Variants in ADAMTS3 observed in about 807,000 individuals in gnomAD.
ADAMTS3 encodes the protein ADAM metallopeptidase with thrombospondin type 1 motif 3, also known as A disintegrin and metalloproteinase with thrombospondin motifs 3.
Under a neutral mutation model 129.0 loss-of-function variants are expected in ADAMTS3, and 73 were observed. The observed-to-expected ratio is 0.57, with a 90% CI of 0.47 to 0.69. The LOEUF is 0.69. ADAMTS3 is among the 30% of genes least tolerant of loss of function. The pLI is 0.00. For missense variants in ADAMTS3, 1,457 were observed against 1,514.5 expected, an observed-to-expected ratio of 0.96 and a Z score of 0.63; for synonymous variants, 477 against 510.8, an observed-to-expected ratio of 0.93 and a Z score of 0.89.
chr4:72,435,158 C>A (rs1722790144), intron 3 of ADAMTS3, among the ~76,000 whole-genome samples: 2 of 151,786 alleles, frequency 1.3e-5, no homozygotes, highest in Admixed American at 1.3e-4. Flanking sequence ...ATGTGTGGCA[C>A]TAAACAGACC....
intron 3 of ADAMTS3, among the ~76,000 whole-genome samples, chr4:72,494,565 T>C (rs1719826584): frequency 6.6e-6 from 1 of 152,224 alleles, no homozygotes. Flanking sequence ...ACCCAGTTCA[T>C]AGACTTCCAT....
intron 3 of ADAMTS3, among the ~76,000 whole-genome samples, chr4:72,431,532 C>T (rs1289481951): frequency 6.6e-6 from 1 of 151,908 alleles, no homozygotes; most frequent in Non-Finnish European, 1.5e-5. Context: ...TTGTTTCATG[C>T]ACAAAATTAT....
intron 3 of ADAMTS3, among the ~76,000 whole-genome samples, chr4:72,508,768 C>CATATTTATACATA (rs1720232290): frequency 6.6e-6 from 1 of 151,990 alleles, no homozygotes; most frequent in Non-Finnish European, 1.5e-5. Flanking sequence ...AAGACTTGAT[C>CATATTTATACATA]TACACTATAG....
Position 72,569,038 on chromosome 4 carries a change from C to T in ADAMTS3, c.-276G>A, listed in dbSNP as rs543377800. ...AGAAGGTGCTGTAAGCGGGCACAGG[C>T]TAAGCCTGGGAGAGGGGGAAGGGAC... On this transcript the variant is annotated 5_prime_UTR_variant, in exon 1 of 22. Transcript: ENST00000286657. 3.9e-6 allele frequency: 2 copies of T among 517,072 alleles called. No individual in the cohort carries two copies. Among genetic ancestry groups the T allele is most frequent in the Non-Finnish European group, 6.9e-6 (2 of 291,014 alleles). 32.0% of individuals were successfully genotyped at this position (517,072 alleles called of 1,614,324 possible).
At chr4:72,341,975 C>T (rs1320425777) in intron 4 of ADAMTS3, among the ~76,000 whole-genome samples, 1 of 152,166 alleles carries the variant, frequency 6.6e-6, no homozygotes, top group Admixed American at 6.5e-5. Flanking sequence ...TTATACTCAT[C>T]ATTATAATTA....
chr4:72,564,525 T>C (rs2109809425), intron 2 of ADAMTS3, among the ~76,000 whole-genome samples: 1 of 152,294 alleles, frequency 6.6e-6, no homozygotes, highest in Admixed American at 6.5e-5. Context: ...GATATATATG[T>C]ATGTATGGGT....
intron 2 of ADAMTS3, among the ~76,000 whole-genome samples, chr4:72,555,205 A>T (rs183094277): frequency 1.3e-4 from 20 of 151,822 alleles, no homozygotes; most frequent in Admixed American, 6.5e-5. Context: ...ATCAGAGATT[A>T]AGTAACTTAA....
In ADAMTS3 at chr4:72,565,248, A is replaced by G. The variant is rs76188844; in HGVS notation, c.97+2126T>C. 2.9e-3 allele frequency among the ~76,000 whole-genome samples: 442 copies of G among 152,344 alleles called. 1 individual carries two copies. Among genetic ancestry groups the G allele is most frequent in the African/African-American group, 0.01 (421 of 41,588 alleles). On this transcript the variant is annotated intron_variant, in intron 2 of 21. Transcript: ENST00000286657. Reference sequence around the variant, plus strand: ...GGCCATGAAATTTATTTTCTAGCCAATTTGTTGAAAAATAAATAAATAAAA... The same window carrying G: ...GGCCATGAAATTTATTTTCTAGCCAGTTTGTTGAAAAATAAATAAATAAAA...
chr4:72,284,457 A>C (rs1718450462), intron 21 of ADAMTS3, among the ~76,000 whole-genome samples: 1 of 152,076 alleles, frequency 6.6e-6, no homozygotes, highest in Non-Finnish European at 1.5e-5. Flanking sequence ...AAAAAAAAAA[A>C]AAAATTCTCC....
chr4:72,545,091 T>A (rs1292945850), intron 3 of ADAMTS3, among the ~76,000 whole-genome samples: 1 of 152,132 alleles, frequency 6.6e-6, no homozygotes, highest in Non-Finnish European at 1.5e-5. Context: ...TTTTTTTTGT[T>A]TGTTTGTTTG....
At chr4:72,390,457 A>C (rs1421738275) in intron 4 of ADAMTS3, among the ~76,000 whole-genome samples, 1 of 152,188 alleles carries the variant, frequency 6.6e-6, no homozygotes, top group East Asian at 1.9e-4. Flanking sequence ...AGTTAAAATA[A>C]ATTGTCTTAG....
chr4:72,550,092 A>G lies in ADAMTS3; in HGVS notation c.98-1208T>C, dbSNP rs76377929. Among the ~76,000 whole-genome samples, 22 of 80,158 alleles carry G rather than the reference A, an allele frequency of 2.7e-4. 5 individuals are homozygous for G. The highest frequency in any genetic ancestry group is 1.3e-3 in the East Asian group (2 of 1,586). 52.6% of individuals were successfully genotyped at this position (80,158 alleles called of 152,430 possible). A position where few individuals can be genotyped will look rare whatever the true frequency, so the allele number is the denominator to read the frequency against. On this transcript the variant is annotated intron_variant, in intron 2 of 21. Transcript: ENST00000286657. The stretch of plus-strand genomic sequence containing the variant: ...GAGGAAGAGGAAGAGGAAGAAGAAG[A>G]AGAAGAAGAAGAAGAAGAAGAAGAA...
At chr4:72,447,057 T>C (rs557436163) in intron 3 of ADAMTS3, among the ~76,000 whole-genome samples, 6 of 151,866 alleles carry the variant, frequency 4.0e-5, no homozygotes, top group African/African-American at 1.4e-4. Flanking sequence ...CTAAAGCAAT[T>C]ATAAACATTA....
intron 4 of ADAMTS3, among the ~76,000 whole-genome samples, chr4:72,347,174 A>G (rs370728589): frequency 6.6e-6 from 1 of 152,216 alleles, no homozygotes; most frequent in Non-Finnish European, 1.5e-5. Context: ...ACTACACTCC[A>G]ATGATGAGTA....
At chr4:72,344,670 C>G (rs1198281233) in intron 4 of ADAMTS3, among the ~76,000 whole-genome samples, 2 of 152,062 alleles carry the variant, frequency 1.3e-5, no homozygotes, top group African/African-American at 2.4e-5. Context: ...ACAATTCATT[C>G]CAGTAGGTGC....
At chr4:72,522,364 C>G (rs370663376) in intron 3 of ADAMTS3, among the ~76,000 whole-genome samples, 1 of 152,170 alleles carries the variant, frequency 6.6e-6, no homozygotes, top group Non-Finnish European at 1.5e-5. Context: ...AGTCAACTTA[C>G]TTTTCACTTC....
chr4:72,395,202 G>A (rs182240909), intron 4 of ADAMTS3, among the ~76,000 whole-genome samples: 3 of 152,254 alleles, frequency 2.0e-5, no homozygotes, highest in East Asian at 1.9e-4. Context: ...TGAGATTACA[G>A]GTGGGAGCCC....
chr4:72,552,963 G>T (rs1404603098), intron 2 of ADAMTS3, among the ~76,000 whole-genome samples: 4 of 152,116 alleles, frequency 2.6e-5, no homozygotes, highest in Non-Finnish European at 5.9e-5. Context: ...GAAGGCAGAA[G>T]ATTTTATCTG....
intron 3 of ADAMTS3, among the ~76,000 whole-genome samples, chr4:72,448,328 C>T (rs922333984): frequency 6.6e-6 from 1 of 151,766 alleles, no homozygotes; most frequent in Admixed American, 6.6e-5. Flanking sequence ...ATATTCACTT[C>T]GGATTCAGTA....
Sources: gnomAD v4.1 joint callset for allele counts (sites outside exome capture counted in the v4.1 genomes callset) on GRCh38, gnomAD v4.1.1 for gene constraint, MANE v1.5 for transcripts, NCBI Gene and HGNC (gene_info 2026-07-23, HGNC 2026-07-21) for gene names.